Variants in CCDC138 observed in about 807,000 individuals in gnomAD.
The protein encoded by CCDC138 is coiled-coil domain-containing protein 138.
CCDC138 carries 66 observed loss-of-function variants against 82.3 expected under a neutral mutation model. The ratio of observed to expected loss-of-function variants is 0.80; its 90% CI spans 0.66 to 0.98. CCDC138 has a LOEUF of 0.98. Among genes scored for constraint, CCDC138 ranks in the 50% least tolerant of loss-of-function variants. The pLI is 0.00. For synonymous variants in CCDC138, 297 were observed against 265.4 expected, an observed-to-expected ratio of 1.12 and a Z score of -1.16; for missense variants, 816 against 758.9, an observed-to-expected ratio of 1.08 and a Z score of -0.88.
chr2:108,855,717 AT>A (rs1387225863), intron 12 of CCDC138, among the ~76,000 whole-genome samples: 1 of 152,172 alleles, frequency 6.6e-6, no homozygotes, highest in Non-Finnish European at 1.5e-5. Flanking sequence ...TTTCATATGT[AT>A]TTTCACTTCA....
At position 108,804,974 on chromosome 2, in the gene CCDC138, C is replaced by A; in HGVS notation, c.821C>A (p.Ala274Glu). 6.4e-7 allele frequency: 1 copy of A among 1,564,252 alleles called. No homozygotes were observed. Among genetic ancestry groups the A allele is most frequent in the South Asian group, 1.2e-5 (1 of 81,630 alleles). ...ETKRLRSSFD[A>E]LKELNDTLKK... ...AAGAGACTGAGGTCCTCTTTTGATG[C>A]ATTGAAAGAATTGAATGATACCTTA... Residue 274 changes from alanine to glutamate, a missense_variant, in exon 7 of 15, where the codon GCA (alanine) becomes GAA (glutamate). By Grantham distance (107) the Ala-to-Glu change is moderately radical. Coordinates refer to ENST00000295124, the MANE Select transcript of CCDC138 (RefSeq NM_144978.3).
rs202109238 is a variant in CCDC138 at position 108,816,044 on chromosome 2, G to C, written c.1145G>C (p.Gly382Ala). The change falls in exon 10 of 15, where the codon GGT (glycine) becomes GCT (alanine). Residue 382 changes from glycine (G) to alanine (A), a missense_variant. By Grantham distance (60) the Gly-to-Ala change is moderately conservative (BLOSUM62 0). Coordinates refer to ENST00000295124, the MANE Select transcript of CCDC138 (RefSeq NM_144978.3). ...KVKHEESGMDGKKPQLKFASQ... is the reference protein window; with the variant it reads ...KVKHEESGMDAKKPQLKFASQ... ...AAACATGAAGAATCTGGAATGGATG[G>C]TAAAAAACCACAACTCAAATTTGCT... The C allele has an allele frequency of 2.5e-6, 4 of 1,613,600 alleles. No individual in the cohort carries two copies. The highest frequency in any genetic ancestry group is 3.4e-6 in the Non-Finnish European group (4 of 1,179,790).
At chr2:108,807,339 A>C (rs1200529264) in intron 7 of CCDC138, among the ~76,000 whole-genome samples, 3 of 152,196 alleles carry the variant, frequency 2.0e-5, no homozygotes, top group African/African-American at 7.2e-5. Context: ...TAAAAAATAC[A>C]TCAATTGAAT....
chr2:108,875,974 T>C (rs962614936), intron 14 of CCDC138, 114 bp from the exon 15 acceptor site: 3 of 637,648 alleles, frequency 4.7e-6, no homozygotes, highest in Non-Finnish European at 7.7e-6. Context: ...TTCTCCACTG[T>C]TTTTAAAAAC....
intron 7 of CCDC138, among the ~76,000 whole-genome samples, chr2:108,807,503 G>A (rs1313757465): frequency 6.6e-6 from 1 of 152,014 alleles, no homozygotes; most frequent in African/African-American, 2.4e-5. Flanking sequence ...CTTTGTATTG[G>A]AAATATTCAA....
chr2:108,868,890 C>G (rs899647196), intron 13 of CCDC138, among the ~76,000 whole-genome samples: 1 of 151,850 alleles, frequency 6.6e-6, no homozygotes, highest in African/African-American at 2.4e-5. Flanking sequence ...CATGAAGTGC[C>G]TACCTTTTGT....
intron 11 of CCDC138, 26 bp from the exon 12 acceptor site, chr2:108,846,712 A>C: frequency 6.4e-7 from 1 of 1,568,468 alleles, no homozygotes; most frequent in Non-Finnish European, 8.7e-7. Flanking sequence ...GAATAAATAT[A>C]CTAAGATTGT....
chr2:108,857,536 A>G (rs1235806861), intron 13 of CCDC138, among the ~76,000 whole-genome samples: 1 of 152,168 alleles, frequency 6.6e-6, no homozygotes, highest in Non-Finnish European at 1.5e-5. Context: ...TGTTCTACCA[A>G]AGCACTGTAA....
Position 108,856,971 on chromosome 2 carries a change from G to C in CCDC138, c.1693+1G>C. On this transcript the variant is annotated splice_donor_variant, in intron 13 of 14. Coordinates refer to ENST00000295124, the MANE Select transcript of CCDC138 (RefSeq NM_144978.3). LOFTEE classifies it high-confidence loss of function. ...TTGCTCCAGATGACGGTGGAATCTA[G>C]TAAGTTTTTAAGTTCTATATGTGTA... 7.0e-7 allele frequency: 1 copy of C among 1,437,888 alleles called. No individual in the cohort carries two copies. The highest frequency in any genetic ancestry group is 1.2e-5 in the South Asian group (1 of 85,470). The allele number at this position is 1,437,888 out of a possible 1,614,324, so 89.1% of individuals were successfully genotyped here.
At chr2:108,858,352 A>G (rs1476284806) in intron 13 of CCDC138, among the ~76,000 whole-genome samples, 2 of 151,718 alleles carry the variant, frequency 1.3e-5, no homozygotes, top group African/African-American at 4.9e-5. Context: ...TCAAAAACAA[A>G]CAAACAAACA....
At chr2:108,804,377 G>C (rs1160931646) in intron 6 of CCDC138, among the ~76,000 whole-genome samples, 1 of 152,068 alleles carries the variant, frequency 6.6e-6, no homozygotes, top group East Asian at 1.9e-4. Context: ...ATTTTATTAT[G>C]TATCTAACAT....
At chr2:108,819,958 G>A (rs1242505651) in intron 10 of CCDC138, among the ~76,000 whole-genome samples, 1 of 152,196 alleles carries the variant, frequency 6.6e-6, no homozygotes, top group Non-Finnish European at 1.5e-5. Flanking sequence ...GGAAAATGAT[G>A]CAAGAACAAA....
At chr2:108,841,710 T>C (rs537491944) in intron 11 of CCDC138, among the ~76,000 whole-genome samples, 57 of 152,270 alleles carry the variant, frequency 3.7e-4, no homozygotes, top group African/African-American at 1.3e-3. Context: ...TTTTAATTGG[T>C]GTTTTAGGCC....
chr2:108,837,801 G>T (rs1320090381), intron 10 of CCDC138, among the ~76,000 whole-genome samples: 1 of 152,154 alleles, frequency 6.6e-6, no homozygotes, highest in African/African-American at 2.4e-5. Flanking sequence ...AAGTTGGGGG[G>T]AGAAGTTTAT....
intron 3 of CCDC138, among the ~76,000 whole-genome samples, chr2:108,791,318 CT>C: frequency 6.6e-6 from 1 of 152,196 alleles, no homozygotes; most frequent in Admixed American, 6.5e-5. Context: ...AGTTATTTGA[CT>C]TACTTAGGTT....
chr2:108,814,520 TGTG>T (rs1162707497), intron 9 of CCDC138, among the ~76,000 whole-genome samples: 1 of 152,112 alleles, frequency 6.6e-6, no homozygotes, highest in Non-Finnish European at 1.5e-5. Flanking sequence ...TTCAGAATAA[TGTG>T]GTAATGCTAC....
Position 108,849,374 on chromosome 2 carries a change from A to G in CCDC138, c.1516+2444A>G, listed in dbSNP as rs77388508. Among the ~76,000 whole-genome samples, 23 of 152,286 alleles carry G rather than the reference A, an allele frequency of 1.5e-4. No individual in the cohort carries two copies. In the East Asian group the frequency reaches 4.4e-3, roughly 29 times the overall value. On this transcript the variant is annotated intron_variant, in intron 12 of 14. Coordinates refer to ENST00000295124, the MANE Select transcript of CCDC138 (RefSeq NM_144978.3). ...CCAAGGAGCATGTCCAGCTGAGCTC[A>G]TGGTCACTCCTATTCCCTTTTCCTT...
chr2:108,862,287 T>C (rs141874945), intron 13 of CCDC138, among the ~76,000 whole-genome samples: 4 of 152,278 alleles, frequency 2.6e-5, no homozygotes, highest in African/African-American at 7.2e-5. Context: ...TATATGGGCA[T>C]TGGTGACCAG....
At chr2:108,828,217 A>G (rs916574039) in intron 10 of CCDC138, among the ~76,000 whole-genome samples, 2 of 152,254 alleles carry the variant, frequency 1.3e-5, no homozygotes, top group African/African-American at 4.8e-5. Flanking sequence ...AAACCCAAAA[A>G]TATAACATTA....
Sources: allele counts gnomAD v4.1 joint callset (sites outside exome capture counted in the v4.1 genomes callset), GRCh38; gene constraint gnomAD v4.1.1; transcripts MANE v1.5; gene names NCBI Gene and HGNC (gene_info 2026-07-23, HGNC 2026-07-21).